The following PSD2 variants were observed in gnomAD, a reference collection of about 807,000 sequenced individuals.
The protein encoded by PSD2 is PH and SEC7 domain-containing protein 2.
Under a neutral mutation model 69.8 loss-of-function variants are expected in PSD2, and 38 were observed. The ratio of observed to expected loss-of-function variants is 0.54; its 90% CI spans 0.42 to 0.71. The LOEUF (loss-of-function observed/expected upper bound fraction) is 0.71. Ranked by LOEUF, PSD2 falls within the 30% of genes least tolerant of loss-of-function variation. The pLI is 0.00. For synonymous variants in PSD2, 412 were observed against 423.0 expected, an observed-to-expected ratio of 0.97 and a Z score of 0.32; for missense variants, 943 against 1,014.5, an observed-to-expected ratio of 0.93 and a Z score of 0.96.
At position 139,814,370 on chromosome 5, in the gene PSD2, T is replaced by C. The variant is rs768591598; in HGVS notation, c.1016+6T>C. ...GCCCGGCAGCTGGGCAAGAAGTGAGTGTGAGCTCCCCTGCCCCCAACCCTG... is the reference window on the plus strand; with the variant it reads ...GCCCGGCAGCTGGGCAAGAAGTGAGCGTGAGCTCCCCTGCCCCCAACCCTG... On this transcript the variant is annotated splice_donor_region_variant and intron_variant, in intron 4 of 14. Transcript: ENST00000274710. This position sits in a 1 kb window ranked among gnomAD's most constrained non-coding sequence, Gnocchi z 4.4. 15 of 1,593,044 alleles carry C rather than the reference T, an allele frequency of 9.4e-6. No homozygotes were observed. The East Asian group carries it at 3.4e-4, about 36-fold the overall frequency.
At position 139,817,970 on chromosome 5, in the gene PSD2, C is replaced by T. The variant is rs117077264; in HGVS notation, c.1097+409C>T. On this transcript the variant is annotated intron_variant, in intron 5 of 14. Coordinates refer to ENST00000274710, the MANE Select transcript of PSD2 (RefSeq NM_032289.4). ...GATAAAGAGACTTCCCCACAGTCATCGAAGGAGGAGATGGTAAAATGGGAT... is the reference window on the plus strand; with the variant it reads ...GATAAAGAGACTTCCCCACAGTCATTGAAGGAGGAGATGGTAAAATGGGAT... Among the ~76,000 whole-genome samples the T allele has an allele frequency of 3.5e-3, 537 of 152,264 alleles. 13 individuals are homozygous for T. Among genetic ancestry groups the T allele is most frequent in the Admixed American group, 0.029 (439 of 15,292 alleles).
Position 139,844,440 on chromosome 5 carries a change from G to C in PSD2, c.*1966G>C, listed in dbSNP as rs1760949470. ...AATAGAAATTTAAAAAAGATGAGATGAAAATAAATCTAAGTCAAAGTTCTA... is the reference window on the plus strand; with the variant it reads ...AATAGAAATTTAAAAAAGATGAGATCAAAATAAATCTAAGTCAAAGTTCTA... On this transcript the variant is annotated 3_prime_UTR_variant, in exon 15 of 15. Coordinates refer to ENST00000274710, the MANE Select transcript of PSD2 (RefSeq NM_032289.4). 1 of 152,414 alleles carries C rather than the reference G, an allele frequency of 6.6e-6. No individual in the cohort carries two copies. Among genetic ancestry groups the C allele is most frequent in the South Asian group, 2.1e-4 (1 of 4,834 alleles). 9.4% of individuals were successfully genotyped at this position (152,414 alleles called of 1,614,324 possible).
intron 5 of PSD2, among the ~76,000 whole-genome samples, chr5:139,820,352 G>A (rs1833733): frequency 0.23 from 35,242 of 150,116 alleles, 4,200 homozygotes; most frequent in South Asian, 0.32. Context: ...CTGGGGGACA[G>A]ATGGGAGAAG....
the PSD2 span, among the ~76,000 whole-genome samples, chr5:139,784,145 G>T: frequency 6.6e-6 from 1 of 151,748 alleles, no homozygotes; most frequent in East Asian, 1.9e-4. Context: ...TTGCCATGTT[G>T]CCCAGGCTGG....
chr5:139,832,978 C>T (rs975383364), intron 7 of PSD2, among the ~76,000 whole-genome samples: 2 of 152,228 alleles, frequency 1.3e-5, no homozygotes, highest in South Asian at 4.1e-4. Flanking sequence ...CTTGGGTTCT[C>T]TTTGTCCCAG....
chr5:139,765,528 G>A, the PSD2 span, among the ~76,000 whole-genome samples: 7 of 152,170 alleles, frequency 4.6e-5, no homozygotes, highest in Non-Finnish European at 1.0e-4. Context: ...CCACCATGCA[G>A]CCCCTTGCCA....
At chr5:139,753,573 G>A in the PSD2 span, among the ~76,000 whole-genome samples, 1 of 149,488 alleles carries the variant, frequency 6.7e-6, no homozygotes, top group African/African-American at 2.6e-5. Flanking sequence ...TGGACCATCA[G>A]CTCTAGCCAT....
At chr5:139,826,405 C>T (rs1158996757) in intron 7 of PSD2, among the ~76,000 whole-genome samples, 2 of 152,164 alleles carry the variant, frequency 1.3e-5, no homozygotes, top group Admixed American at 1.3e-4. Flanking sequence ...GTGGAAGCTT[C>T]CCTTGAGATG....
chr5:139,765,257 C>A, the PSD2 span, among the ~76,000 whole-genome samples: 12 of 152,156 alleles, frequency 7.9e-5, no homozygotes, highest in Non-Finnish European at 1.2e-4. Flanking sequence ...CCCCCAGTGC[C>A]TACGCAGTGG....
rs1439842854 is a variant in PSD2, at chr5:139,836,997, G to A, written c.1590G>A (p.Lys530=). 1.2e-6 allele frequency: 2 copies of A among 1,611,640 alleles called. No homozygotes were observed. The highest frequency in any genetic ancestry group is 1.7e-6 in the Non-Finnish European group (2 of 1,178,502). The change falls in exon 10 of 15, where the codon AAG becomes AAA. Residue 530 remains lysine (K), a synonymous_variant. Transcript: ENST00000274710. ...TRKTHADMDG[K]RTPRGRRGWK... is the part of the protein sequence containing the mutation. ...AGACTCACGCTGACATGGATGGCAAGAGGAGTGGGTGTCAGGCTGGGAGAG... is the reference window on the plus strand; with the variant it reads ...AGACTCACGCTGACATGGATGGCAAAAGGAGTGGGTGTCAGGCTGGGAGAG...
At chr5:139,755,565 T>C in the PSD2 span, among the ~76,000 whole-genome samples, 1 of 152,082 alleles carries the variant, frequency 6.6e-6, no homozygotes, top group Non-Finnish European at 1.5e-5. Flanking sequence ...TCTGTGTGTG[T>C]GTATCTTTGA....
intron 8 of PSD2, 99 bp from the exon 9 acceptor site, chr5:139,835,624 G>T: frequency 7.9e-7 from 1 of 1,264,712 alleles, no homozygotes. Flanking sequence ...CCCATTGGCT[G>T]AAAAGGTGCT....
the PSD2 span, among the ~76,000 whole-genome samples, chr5:139,766,954 T>C: frequency 1.5e-5 from 2 of 135,922 alleles, no homozygotes; most frequent in Non-Finnish European, 1.6e-5. Context: ...TCTTTCTTTC[T>C]TTCTTTCTTT....
chr5:139,778,790 G>T, the PSD2 span, among the ~76,000 whole-genome samples: 1 of 151,990 alleles, frequency 6.6e-6, no homozygotes, highest in Non-Finnish European at 1.5e-5. Context: ...TTAGCTGGGT[G>T]TGGTGGCACG....
the PSD2 span, chr5:139,772,943 A>G: frequency 1.3e-5 from 2 of 152,230 alleles, no homozygotes; most frequent in African/African-American, 4.8e-5. Flanking sequence ...CCAGGCAGAT[A>G]CAGGTACTGT....
At position 139,822,022 on chromosome 5, in the gene PSD2, A is replaced by G. The variant is rs142741233; in HGVS notation, c.1210+17A>G. ...CTTCGGAAGGTATGGCCCCTTGCCCACTCTGCCTGACCCTCCCCACCCACT... is the reference window on the plus strand; with the variant it reads ...CTTCGGAAGGTATGGCCCCTTGCCCGCTCTGCCTGACCCTCCCCACCCACT... On this transcript the variant is annotated intron_variant, in intron 6 of 14. Transcript: ENST00000274710. The G allele has an allele frequency of 5.5e-4, 828 of 1,515,302 alleles. No individual in the cohort carries two copies. Among genetic ancestry groups the G allele is most frequent in the Non-Finnish European group, 6.9e-4 (760 of 1,102,330 alleles). 93.9% of individuals were successfully genotyped at this position (1,515,302 alleles called of 1,614,324 possible). A position where few individuals can be genotyped will look rare whatever the true frequency, so the allele number is the denominator to read the frequency against.
chr5:139,756,711 T>A, the PSD2 span, among the ~76,000 whole-genome samples: 1 of 152,110 alleles, frequency 6.6e-6, no homozygotes, highest in East Asian at 1.9e-4. Flanking sequence ...TTAGGAGCAA[T>A]GGAGGGGCTT....
At chr5:139,817,713 C>T (rs577662249) in intron 5 of PSD2, 152 bp downstream of exon 5, 15 of 654,330 alleles carry the variant, frequency 2.3e-5, no homozygotes, top group African/African-American at 5.5e-5. Flanking sequence ...GGAGCAGCAG[C>T]GGCCCAACAG....
At chr5:139,824,252 C>T (rs1172342359) in intron 7 of PSD2, among the ~76,000 whole-genome samples, 1 of 152,230 alleles carries the variant, frequency 6.6e-6, no homozygotes, top group Non-Finnish European at 1.5e-5. Flanking sequence ...GAGCACCCCG[C>T]AGCTTGGTGG....
Sources: allele counts gnomAD v4.1 joint callset (sites outside exome capture counted in the v4.1 genomes callset), GRCh38; gene constraint gnomAD v4.1.1; non-coding constraint Gnocchi (gnomAD v3.1); transcripts MANE v1.5; gene names NCBI Gene and HGNC (gene_info 2026-07-23, HGNC 2026-07-21).